Variants in PADI1 observed in about 807,000 individuals in gnomAD.
PADI1 encodes the protein protein-arginine deiminase type-1.
A neutral mutation model predicts 74.8 loss-of-function variants in PADI1; 65 were observed. That is an observed-to-expected ratio of 0.87 (90% CI 0.71 to 1.07). PADI1 has a LOEUF of 1.07. Among genes scored for constraint, PADI1 ranks in the 50% least tolerant of loss-of-function variants. PADI1 has a pLI of 0.00. For missense variants in PADI1, 943 were observed against 854.0 expected (o/e 1.10, Z -1.30); for synonymous variants, 371 against 336.2 (o/e 1.10, Z -1.13).
At chr1:17,210,602 A>C (rs2071808997) in intron 1 of PADI1, among the ~76,000 whole-genome samples, 1 of 151,986 alleles carries the variant, frequency 6.6e-6, no homozygotes, top group Non-Finnish European at 1.5e-5. Flanking sequence ...CCCCTCCCCA[A>C]GCAATGACAG....
At chr1:17,228,183 G>A (rs1376208717) in intron 6 of PADI1, among the ~76,000 whole-genome samples, 1 of 152,012 alleles carries the variant, frequency 6.6e-6, no homozygotes, top group South Asian at 2.1e-4. Flanking sequence ...GTAGAGATGG[G>A]GTCTCCCTAT....
chr1:17,244,050 A>C lies in PADI1; in HGVS notation c.1799A>C (p.Lys600Thr). 1 of 1,614,196 alleles carries C rather than the reference A, an allele frequency of 6.2e-7. No homozygotes were observed. The highest frequency in any genetic ancestry group is 8.5e-7 in the Non-Finnish European group (1 of 1,180,022). ...VVLGKYLGIP[K>T]PYGPIINGRC... ...TTAGGCAAGTACCTGGGCATCCCCA[A>C]GCCCTACGGGCCCATCATCAATGGC... Residue 600 changes from lysine to threonine, a missense_variant, in exon 16 of 16, where the codon AAG (lysine) becomes ACG (threonine). By Grantham distance (78) the Lys-to-Thr change is moderately conservative (BLOSUM62 -1). Coordinates refer to ENST00000375471, the MANE Select transcript of PADI1 (RefSeq NM_013358.3).
rs1295425856 is a variant in PADI1, at chr1:17,244,063, C to T, written c.1812C>T (p.Pro604=). The change falls in exon 16 of 16, where the codon CCC becomes CCT. Residue 604 remains proline (P), a synonymous_variant. Transcript: ENST00000375471. ...KYLGIPKPYG[P]IINGRCCLEE... Reference sequence around the variant, plus strand: ...TGGGCATCCCCAAGCCCTACGGGCCCATCATCAATGGCCGCTGCTGCCTGG... The same window carrying T: ...TGGGCATCCCCAAGCCCTACGGGCCTATCATCAATGGCCGCTGCTGCCTGG... 1.9e-6 allele frequency: 3 copies of T among 1,614,130 alleles called. No homozygotes were observed. Among genetic ancestry groups the T allele is most frequent in the African/African-American group, 2.7e-5 (2 of 74,948 alleles).
intron 1 of PADI1, among the ~76,000 whole-genome samples, chr1:17,212,884 T>C (rs1369142238): frequency 6.6e-6 from 1 of 152,176 alleles, no homozygotes; most frequent in Non-Finnish European, 1.5e-5. Context: ...GGGTGTGTGG[T>C]GGGGCCAGGG....
At chr1:17,232,576 A>G (rs1209129802) in intron 10 of PADI1, among the ~76,000 whole-genome samples, 3 of 152,362 alleles carry the variant, frequency 2.0e-5, no homozygotes, top group Middle Eastern at 3.4e-3. Flanking sequence ...TTAGATGTAT[A>G]CTGCTTAATT....
rs1334144179 is a variant in PADI1 at position 17,205,257 on chromosome 1, C to T, written c.40C>T (p.Pro14Ser). Residue 14 changes from proline to serine, a missense_variant, in exon 1 of 16, where the codon CCT becomes TCT. By Grantham distance (74) the Pro-to-Ser change is moderately conservative. Coordinates refer to ENST00000375471, the MANE Select transcript of PADI1 (RefSeq NM_013358.3). ...KRVVQLSLKM[P>S]THAVCVVGVE... ...AGTTGTGCAGCTGTCCCTGAAGATG[C>T]CTACCCATGCCGTGTGTGTGGTGGG... The T allele has an allele frequency of 8.7e-6, 14 of 1,613,904 alleles. No homozygotes were observed. Among genetic ancestry groups the T allele is most frequent in the Admixed American group, 3.3e-5 (2 of 59,996 alleles).
In PADI1 at chr1:17,237,380, C is replaced by A; in HGVS notation, c.1380C>A (p.Pro460=). Residue 460 remains proline, a synonymous_variant, in exon 12 of 16, where the codon CCC becomes CCA. Coordinates refer to ENST00000375471, the MANE Select transcript of PADI1 (RefSeq NM_013358.3). ...TGAAGGCACAGCAGGTGCAGGCACCCGTGGAGCTCTACTCGGACTGGCTCT... is the reference window on the plus strand; with the variant it reads ...TGAAGGCACAGCAGGTGCAGGCACCAGTGGAGCTCTACTCGGACTGGCTCT... The part of the protein sequence containing the change: ...NFLKAQQVQA[P]VELYSDWLSV... The A allele has an allele frequency of 6.2e-7, 1 of 1,613,748 alleles. No homozygotes were observed. The highest frequency in any genetic ancestry group is 8.5e-7 in the Non-Finnish European group (1 of 1,179,814).
At chr1:17,243,730 A>C (rs2072822823) in intron 15 of PADI1, among the ~76,000 whole-genome samples, 1 of 152,240 alleles carries the variant, frequency 6.6e-6, no homozygotes, top group South Asian at 2.1e-4. Flanking sequence ...TGAAAGAAAG[A>C]GTGGGAGAAG....
chr1:17,207,051 A>G (rs1557444349), intron 1 of PADI1, among the ~76,000 whole-genome samples: 1 of 152,084 alleles, frequency 6.6e-6, no homozygotes, highest in African/African-American at 2.4e-5. Context: ...AGAGTAGGAA[A>G]AGGGTCCCTT....
chr1:17,230,357 G>A, intron 9 of PADI1, 149 bp downstream of exon 9: 1 of 980,102 alleles, frequency 1.0e-6, no homozygotes, highest in Non-Finnish European at 1.5e-6. Flanking sequence ...GCCTGCATCA[G>A]CCCCAGCCTC....
At position 17,240,727 on chromosome 1, in the gene PADI1, A is replaced by G. The variant is rs1264001742; in HGVS notation, c.1725A>G (p.Lys575=). Residue 575 remains lysine (K), a synonymous_variant, in exon 15 of 16, where the codon AAA becomes AAG. Transcript: ENST00000375471. ...ACATTCCCCAGCTCTTCTTCCTGAA[A>G]AACTTCTACGCGGAAGCCTTCTTCC... ...IVDIPQLFFL[K]NFYAEAFFPD... 16 of 1,613,904 alleles carry G rather than the reference A, an allele frequency of 9.9e-6. No homozygotes were observed. Among genetic ancestry groups the G allele is most frequent in the Non-Finnish European group, 1.4e-5 (16 of 1,179,938 alleles).
intron 3 of PADI1, 52 bp downstream of exon 3, chr1:17,223,745 A>G (rs1387521211): frequency 1.4e-6 from 2 of 1,452,746 alleles, no homozygotes; most frequent in Middle Eastern, 1.7e-4. Context: ...CTCCAGGTTG[A>G]CTGTTTGAGG....
intron 1 of PADI1, among the ~76,000 whole-genome samples, chr1:17,206,202 G>T (rs1466132339): frequency 6.6e-6 from 1 of 152,192 alleles, no homozygotes; most frequent in African/African-American, 2.4e-5. Context: ...GAGGAGCTGG[G>T]TGCTGGGGGT....
intron 1 of PADI1, among the ~76,000 whole-genome samples, chr1:17,220,679 C>G (rs2072122589): frequency 6.6e-6 from 1 of 152,132 alleles, no homozygotes; most frequent in Non-Finnish European, 1.5e-5. Context: ...TTGGAGAGCC[C>G]TGACTTACAA....
At chr1:17,230,768 G>A in intron 10 of PADI1, 89 bp downstream of exon 10, 3 of 730,158 alleles carry the variant, frequency 4.1e-6, no homozygotes, top group South Asian at 1.7e-5. Context: ...AGTCCTATAG[G>A]GCTCAGAGAA....
At chr1:17,230,272 T>G in intron 9 of PADI1, 64 bp downstream of exon 9, 2 of 1,572,120 alleles carry the variant, frequency 1.3e-6, no homozygotes, top group Non-Finnish European at 1.7e-6. Flanking sequence ...GCCGCACAGG[T>G]GCCTGATGGA....
Position 17,230,556 on chromosome 1 carries a change from A to C in PADI1, c.1054-16A>C, listed in dbSNP as rs1044065230. 1 of 1,577,058 alleles carries C rather than the reference A, an allele frequency of 6.3e-7. No homozygotes were observed. Among genetic ancestry groups the C allele is most frequent in the Non-Finnish European group, 8.7e-7 (1 of 1,155,784 alleles). On this transcript the variant is annotated splice_polypyrimidine_tract_variant and intron_variant, in intron 9 of 15. Coordinates refer to ENST00000375471, the MANE Select transcript of PADI1 (RefSeq NM_013358.3). ...CGAAAAAGGTCACTGTGGCTTTTTCATCTCTCCCCTCCCAGGACGAGATGG... is the reference window on the plus strand; with the variant it reads ...CGAAAAAGGTCACTGTGGCTTTTTCCTCTCTCCCCTCCCAGGACGAGATGG...
At chr1:17,205,471 G>C (rs550197028) in intron 1 of PADI1, among the ~76,000 whole-genome samples, 162 bp downstream of exon 1, 3 of 152,200 alleles carry the variant, frequency 2.0e-5, no homozygotes, top group East Asian at 3.9e-4. Context: ...AAGGAACTAG[G>C]GTCTAGTCAG....
Position 17,230,599 on chromosome 1 carries a change from G to T in PADI1, c.1081G>T (p.Ala361Ser), listed in dbSNP as rs1159460648. The T allele has an allele frequency of 1.2e-6, 2 of 1,611,980 alleles. No individual in the cohort carries two copies. Among genetic ancestry groups the T allele is most frequent in the Non-Finnish European group, 1.7e-6 (2 of 1,178,964 alleles). Reference sequence around the variant, plus strand: ...CGAGATGGAGTTTGGCTACATCGAGGCCCCTCACAAATCCTTCCCCGTGGT... The same window carrying T: ...CGAGATGGAGTTTGGCTACATCGAGTCCCCTCACAAATCCTTCCCCGTGGT... Reference protein sequence around the residue: ...QDEMEFGYIEAPHKSFPVVFD... With the variant: ...QDEMEFGYIESPHKSFPVVFD... Residue 361 changes from alanine to serine, a missense_variant, in exon 10 of 16, where the codon GCC becomes TCC. By Grantham distance (99) the Ala-to-Ser change is moderately conservative. Coordinates refer to ENST00000375471, the MANE Select transcript of PADI1 (RefSeq NM_013358.3).
Sources: gnomAD v4.1 joint callset for allele counts (sites outside exome capture counted in the v4.1 genomes callset) on GRCh38, gnomAD v4.1.1 for gene constraint, MANE v1.5 for transcripts, NCBI Gene and HGNC (gene_info 2026-07-23, HGNC 2026-07-21) for gene names.